CDK14: variants seen among roughly 807,000 people sequenced by gnomAD.
CDK14 encodes the protein cyclin dependent kinase 14, also known as cyclin-dependent kinase 14.
Under a neutral mutation model 60.7 loss-of-function variants are expected in CDK14, and 34 were observed. The observed-to-expected ratio is 0.56, with a 90% CI of 0.43 to 0.75. The LOEUF (loss-of-function observed/expected upper bound fraction) is 0.75, where lower values mean the gene tolerates loss of function less well. Among genes scored for constraint, CDK14 ranks in the 30% least tolerant of loss-of-function variants. The pLI is 0.00. For synonymous variants in CDK14, 197 were observed against 203.7 expected, an observed-to-expected ratio of 0.97 and a Z score of 0.28; for missense variants, 482 against 564.1, an observed-to-expected ratio of 0.85 and a Z score of 1.47.
chr7:90,678,438 T>G (rs1801244828), intron 2 of CDK14, among the ~76,000 whole-genome samples: 1 of 152,190 alleles, frequency 6.6e-6, no homozygotes. Flanking sequence ...GTATTATGAT[T>G]TGTTTGTGTT....
intron 6 of CDK14, among the ~76,000 whole-genome samples, chr7:90,896,072 T>C (rs1269866064): frequency 2.6e-5 from 4 of 151,848 alleles, no homozygotes; most frequent in Admixed American, 6.6e-5. Flanking sequence ...TTCTCTCTCT[T>C]TTTTTTCTTG....
chr7:91,157,907 G>A (rs1015719108), intron 14 of CDK14, among the ~76,000 whole-genome samples: 3 of 151,860 alleles, frequency 2.0e-5, no homozygotes, highest in Non-Finnish European at 4.4e-5. Context: ...AGTATTCTTG[G>A]TCAAATACCC....
intron 11 of CDK14, among the ~76,000 whole-genome samples, chr7:91,058,674 G>T (rs1226297730): frequency 1.3e-5 from 2 of 152,144 alleles, no homozygotes; most frequent in African/African-American, 4.8e-5. Flanking sequence ...TGTGGTTTTT[G>T]TCATTGGTTC....
chr7:90,728,721 C>A lies in CDK14; in HGVS notation c.369+1909C>A, dbSNP rs184173707. On this transcript the variant is annotated intron_variant, in intron 3 of 14. Transcript: ENST00000380050. ...GATTTTTGGTGGGTCTATGTCATGCCTCTTGGAGAGAAACTGTTGGCTGTC... is the reference window on the plus strand; with the variant it reads ...GATTTTTGGTGGGTCTATGTCATGCATCTTGGAGAGAAACTGTTGGCTGTC... Among the ~76,000 whole-genome samples, 33 of 152,124 alleles carry A rather than the reference C, an allele frequency of 2.2e-4. 1 individual carries two copies. The highest frequency in any genetic ancestry group is 7.7e-4 in the African/African-American group (32 of 41,502).
intron 5 of CDK14, among the ~76,000 whole-genome samples, chr7:90,839,677 T>C (rs1349798965): frequency 3.3e-5 from 5 of 152,232 alleles, no homozygotes; most frequent in Non-Finnish European, 7.3e-5. Flanking sequence ...TTCTTCCAAA[T>C]GGTATCATAG....
intron 5 of CDK14, among the ~76,000 whole-genome samples, chr7:90,820,163 G>A (rs1789494007): frequency 6.6e-6 from 1 of 152,088 alleles, no homozygotes; most frequent in Non-Finnish European, 1.5e-5. Context: ...TATGACCCTT[G>A]CAGCACTTAA....
intron 14 of CDK14, among the ~76,000 whole-genome samples, chr7:91,160,538 A>G (rs1432096691): frequency 6.6e-6 from 1 of 152,228 alleles, no homozygotes; most frequent in Non-Finnish European, 1.5e-5. Context: ...TGCAGTCTAT[A>G]AATACTTGTA....
intron 14 of CDK14, among the ~76,000 whole-genome samples, chr7:91,162,473 G>T (rs1382197576): frequency 6.6e-6 from 1 of 152,154 alleles, no homozygotes; most frequent in Non-Finnish European, 1.5e-5. Flanking sequence ...CAAATGGGAG[G>T]AAGTCACGTT....
At chr7:90,652,368 A>G (rs908512786) in intron 2 of CDK14, among the ~76,000 whole-genome samples, 9 of 152,228 alleles carry the variant, frequency 5.9e-5, no homozygotes, top group African/African-American at 2.2e-4. Flanking sequence ...GATTTAATTA[A>G]TGGTACTTCT....
chr7:90,621,506 A>C (rs1372117661), intron 2 of CDK14, among the ~76,000 whole-genome samples: 1 of 152,220 alleles, frequency 6.6e-6, no homozygotes, highest in Non-Finnish European at 1.5e-5. Flanking sequence ...TTCTTTCAGA[A>C]CAGTCCTTTG....
At chr7:90,614,810 G>A (rs2116351895) in intron 2 of CDK14, among the ~76,000 whole-genome samples, 1 of 151,922 alleles carries the variant, frequency 6.6e-6, no homozygotes, top group Non-Finnish European at 1.5e-5. Flanking sequence ...AGGCATATGA[G>A]CCTGGGAATT....
chr7:91,172,345 C>T (rs544222169), intron 14 of CDK14, among the ~76,000 whole-genome samples: 1 of 152,274 alleles, frequency 6.6e-6, no homozygotes, highest in African/African-American at 2.4e-5. Flanking sequence ...TCATTTGCCT[C>T]CTAAATATTG....
chr7:90,912,118 A>T (rs538052466), intron 7 of CDK14, among the ~76,000 whole-genome samples: 3 of 152,222 alleles, frequency 2.0e-5, no homozygotes, highest in African/African-American at 7.2e-5. Context: ...TGGATTTGGG[A>T]TGAATCTCCT....
At chr7:91,110,929 T>C (rs914972778) in intron 12 of CDK14, among the ~76,000 whole-genome samples, 3 of 152,206 alleles carry the variant, frequency 2.0e-5, no homozygotes, top group African/African-American at 7.2e-5. Flanking sequence ...GTACTAGTGA[T>C]AAAGTCTTGG....
chr7:90,985,234 A>G (rs1446561693), intron 10 of CDK14, among the ~76,000 whole-genome samples: 6 of 152,174 alleles, frequency 3.9e-5, no homozygotes, highest in African/African-American at 1.4e-4. Context: ...GAGCCAGACT[A>G]TCTGGGCTTA....
intron 2 of CDK14, among the ~76,000 whole-genome samples, chr7:90,611,606 G>A (rs1157639047): frequency 6.6e-6 from 1 of 152,080 alleles, no homozygotes; most frequent in Non-Finnish European, 1.5e-5. Context: ...ACTCAGCTTT[G>A]TCATCTCTTC....
intron 2 of CDK14, among the ~76,000 whole-genome samples, chr7:90,649,244 C>CTTTGTTTCTTTG (rs1447272273): frequency 1.6e-3 from 43 of 26,684 alleles, no homozygotes; most frequent in East Asian, 5.1e-3. Context: ...TAGTTTCTTT[C>CTTTGTTTCTTTG]TTTCTTTCTT....
chr7:90,741,587 T>C (rs1433658743), intron 3 of CDK14, among the ~76,000 whole-genome samples: 1 of 152,174 alleles, frequency 6.6e-6, no homozygotes, highest in East Asian at 1.9e-4. Context: ...CTCTGTGGCA[T>C]TGATTTTAAG....
intron 14 of CDK14, among the ~76,000 whole-genome samples, chr7:91,135,101 A>C (rs972375234): frequency 9.2e-5 from 14 of 152,072 alleles, no homozygotes; most frequent in Non-Finnish European, 1.8e-4. Flanking sequence ...TTATTCAGTA[A>C]GCTCTGCCTT....
Sources: allele counts gnomAD v4.1 joint callset (sites outside exome capture counted in the v4.1 genomes callset), GRCh38; gene constraint gnomAD v4.1.1; transcripts MANE v1.5; gene names NCBI Gene and HGNC (gene_info 2026-07-23, HGNC 2026-07-21).